Variants in DIAPH3 observed in about 807,000 individuals in gnomAD.
The protein encoded by DIAPH3 is diaphanous related formin 3.
DIAPH3 carries 117 observed loss-of-function variants against 144.3 expected under a neutral mutation model. That is an observed-to-expected ratio of 0.81 (90% CI 0.70 to 0.95). DIAPH3 has a LOEUF of 0.95. Ranked by LOEUF, DIAPH3 falls within the 40% of genes least tolerant of loss-of-function variation. The pLI, the probability that DIAPH3 is intolerant of heterozygous loss-of-function variation, is 0.00. For synonymous variants in DIAPH3, 519 were observed against 488.9 expected, an observed-to-expected ratio of 1.06 and a Z score of -0.81; for missense variants, 1,421 against 1,412.7, an observed-to-expected ratio of 1.01 and a Z score of -0.09.
intron 27 of DIAPH3, among the ~76,000 whole-genome samples, chr13:59,687,048 A>G (rs1407279395): frequency 6.6e-6 from 1 of 152,130 alleles, no homozygotes; most frequent in Non-Finnish European, 1.5e-5. Flanking sequence ...ACCAAGAGGC[A>G]ATATTAAAAA....
intron 24 of DIAPH3, among the ~76,000 whole-genome samples, chr13:59,822,143 T>C (rs2041105190): frequency 6.6e-6 from 1 of 151,898 alleles, no homozygotes. Context: ...ATTTCTTTAA[T>C]AGATAAAGTA....
intron 22 of DIAPH3, among the ~76,000 whole-genome samples, chr13:59,851,626 T>C (rs1025175300): frequency 1.3e-5 from 2 of 149,378 alleles, no homozygotes; most frequent in African/African-American, 2.4e-5. Flanking sequence ...CAACAATGAA[T>C]AGATGAATCT....
intron 27 of DIAPH3, among the ~76,000 whole-genome samples, chr13:59,729,858 C>G (rs2035812697): frequency 7.3e-6 from 1 of 137,038 alleles, no homozygotes; most frequent in Non-Finnish European, 1.5e-5. Flanking sequence ...GTTGACCAGG[C>G]TGGAGTGCAG....
At chr13:59,895,346 T>C (rs1415588820) in intron 20 of DIAPH3, among the ~76,000 whole-genome samples, 2 of 150,858 alleles carry the variant, frequency 1.3e-5, no homozygotes, top group African/African-American at 4.9e-5. Context: ...GGATATAAAA[T>C]TGGCATCCTT....
chr13:60,121,495 C>T (rs573545281), intron 2 of DIAPH3, among the ~76,000 whole-genome samples: 30 of 152,144 alleles, frequency 2.0e-4, no homozygotes, highest in African/African-American at 7.0e-4. Flanking sequence ...CAGTTGAGAC[C>T]ACCAACAAGG....
At chr13:60,003,860 G>A (rs562214504) in intron 9 of DIAPH3, among the ~76,000 whole-genome samples, 40 of 152,174 alleles carry the variant, frequency 2.6e-4, no homozygotes, top group African/African-American at 6.3e-4. Context: ...GATTACAGAC[G>A]TGGGCCACCA....
chr13:60,083,467 T>G (rs1239082514), intron 4 of DIAPH3, among the ~76,000 whole-genome samples: 1 of 151,878 alleles, frequency 6.6e-6, no homozygotes, highest in African/African-American at 2.4e-5. Flanking sequence ...ATGATCTTGG[T>G]AAAGAGATGA....
chr13:60,136,812 T>C lies in DIAPH3; in HGVS notation c.181-3823A>G, dbSNP rs982037603. On this transcript the variant is annotated intron_variant, in intron 1 of 27. Transcript: ENST00000400324. Reference sequence around the variant, plus strand: ...AAAATTAGCCGGGCGTGGTGGCGGGTGCCTGCAGTCCCAGCTACTCGGGAG... The same window carrying C: ...AAAATTAGCCGGGCGTGGTGGCGGGCGCCTGCAGTCCCAGCTACTCGGGAG... Among the ~76,000 whole-genome samples the C allele has an allele frequency of 8.1e-4, 123 of 151,352 alleles. 1 individual carries two copies. The highest frequency in any genetic ancestry group is 3.8e-3 in the South Asian group (18 of 4,798).
intron 17 of DIAPH3, among the ~76,000 whole-genome samples, chr13:59,965,760 G>C (rs1348320098): frequency 6.6e-6 from 1 of 152,064 alleles, no homozygotes; most frequent in African/African-American, 2.4e-5. Context: ...CTTCAACTAA[G>C]TACTTGACTG....
rs541332774 is a variant in DIAPH3, at chr13:59,966,823, CCAAA to C, written c.2074+3117_2074+3120del. 3.9e-4 allele frequency among the ~76,000 whole-genome samples: 60 copies of C among 152,216 alleles called. No individual in the cohort carries two copies. In the East Asian group the frequency reaches 7.0e-3, roughly 18 times the overall value. On this transcript the variant is annotated intron_variant, in intron 17 of 27. Transcript: ENST00000400324. ...CAAAGAAATAGCCTCGGTTCTCAGT[CCAAA>C]CAGTTACTACTGCAATGAAAAACAG...
At chr13:59,900,585 A>G (rs529117971) in intron 20 of DIAPH3, among the ~76,000 whole-genome samples, 1 of 152,330 alleles carries the variant, frequency 6.6e-6, no homozygotes, top group South Asian at 2.1e-4. Context: ...CTTGCTGATG[A>G]TGTGCCCCTC....
chr13:59,888,928 ACT>A (rs1407598790), intron 20 of DIAPH3, among the ~76,000 whole-genome samples: 1 of 151,930 alleles, frequency 6.6e-6, no homozygotes, highest in Non-Finnish European at 1.5e-5. Context: ...TCTTCTGTTG[ACT>A]TCTGCTGTCT....
At chr13:59,805,883 G>A (rs978518787) in intron 25 of DIAPH3, among the ~76,000 whole-genome samples, 1 of 151,880 alleles carries the variant, frequency 6.6e-6, no homozygotes, top group African/African-American at 2.4e-5. Flanking sequence ...GATAGTGATA[G>A]TAAATAATAG....
intron 5 of DIAPH3, 115 bp downstream of exon 5, chr13:60,042,575 T>G: frequency 5.7e-6 from 7 of 1,238,140 alleles, no homozygotes; most frequent in South Asian, 1.3e-5. Context: ...TATTAGGTAT[T>G]CAGTTTGTAC....
intron 3 of DIAPH3, among the ~76,000 whole-genome samples, chr13:60,097,215 T>C (rs1386734064): frequency 6.6e-6 from 1 of 152,198 alleles, no homozygotes; most frequent in Non-Finnish European, 1.5e-5. Context: ...ATTTGGATGT[T>C]ATCCCATGCA....
chr13:59,927,846 A>G (rs2047828678), intron 17 of DIAPH3, among the ~76,000 whole-genome samples: 1 of 152,190 alleles, frequency 6.6e-6, no homozygotes, highest in South Asian at 2.1e-4. Context: ...AAATATGAAT[A>G]TAATATGTCT....
chr13:59,923,642 T>G lies in DIAPH3; in HGVS notation c.2170+1133A>C, dbSNP rs549798161. 6.6e-5 allele frequency among the ~76,000 whole-genome samples: 10 copies of G among 152,256 alleles called. No homozygotes were observed. In the South Asian group the frequency reaches 1.9e-3, roughly 28 times the overall value. On this transcript the variant is annotated intron_variant, in intron 18 of 27. Coordinates refer to ENST00000400324, the MANE Select transcript of DIAPH3 (RefSeq NM_001042517.2). ...ATGCTTCCACCCCAAAAAGTGACAT[T>G]AACTCCACTCCCATCTTCACTGGTC...
intron 22 of DIAPH3, among the ~76,000 whole-genome samples, chr13:59,859,633 A>G (rs751324912): frequency 8.5e-5 from 13 of 152,186 alleles, no homozygotes; most frequent in Non-Finnish European, 1.9e-4. Context: ...TCCGTTATCT[A>G]TCAAACTGAT....
chr13:60,017,798 C>A (rs957739377), intron 5 of DIAPH3, among the ~76,000 whole-genome samples: 4 of 152,148 alleles, frequency 2.6e-5, no homozygotes, highest in South Asian at 4.1e-4. Flanking sequence ...TTGTAAAAGA[C>A]TGAAGATTGC....
Sources: allele counts gnomAD v4.1 joint callset (sites outside exome capture counted in the v4.1 genomes callset), GRCh38; gene constraint gnomAD v4.1.1; transcripts MANE v1.5; gene names NCBI Gene and HGNC (gene_info 2026-07-23, HGNC 2026-07-21).